The following ZRANB1 variants were observed in gnomAD, a reference collection of about 807,000 sequenced individuals.
The protein encoded by ZRANB1 is ubiquitin thioesterase ZRANB1.
Under a neutral mutation model 80.5 loss-of-function variants are expected in ZRANB1, and 16 were observed. That is an observed-to-expected ratio of 0.20 (90% CI 0.13 to 0.30). ZRANB1 has a LOEUF of 0.30. ZRANB1 is among the 10% of genes least tolerant of loss of function. The pLI is 1.00. For missense variants in ZRANB1, 576 were observed against 862.6 expected (o/e 0.67, Z 4.16); for synonymous variants, 291 against 293.1 (o/e 0.99, Z 0.07).
chr10:124,943,998 A>G (rs1304681009), intron 1 of ZRANB1, among the ~76,000 whole-genome samples: 4 of 152,242 alleles, frequency 2.6e-5, no homozygotes, highest in Admixed American at 2.0e-4. Context: ...TGCAAACTTT[A>G]TGGAACTGAT....
intron 1 of ZRANB1, among the ~76,000 whole-genome samples, chr10:124,965,189 G>A (rs1951766867): frequency 6.6e-6 from 1 of 152,142 alleles, no homozygotes; most frequent in African/African-American, 2.4e-5. Context: ...GGGTGGAGGT[G>A]GGGCATTTGT....
Position 124,942,192 on chromosome 10 carries a change from A to C in ZRANB1, c.-302A>C. 8.5e-7 allele frequency: 1 copy of C among 1,176,644 alleles called. No individual in the cohort carries two copies. Among genetic ancestry groups the C allele is most frequent in the Admixed American group, 4.3e-5 (1 of 23,390 alleles). The allele number at this position is 1,176,644 out of a possible 1,614,324, so 72.9% of individuals were successfully genotyped here. A position where few individuals can be genotyped will look rare whatever the true frequency, so the allele number is the denominator to read the frequency against. On this transcript the variant is annotated 5_prime_UTR_variant, in exon 1 of 9. Transcript: ENST00000359653. ...GTTAATCTCATCCTTCTTAGATCAA[A>C]CCTCGTTATATCTCCTGCCTATCTC...
At chr10:124,981,454 G>C (rs1430896294) in intron 5 of ZRANB1, 1 of 269,866 alleles carries the variant, frequency 3.7e-6, no homozygotes, top group Non-Finnish European at 6.7e-6. Flanking sequence ...CTCATCATTA[G>C]CGTTTGAAGT....
intron 3 of ZRANB1, among the ~76,000 whole-genome samples, chr10:124,972,975 G>T (rs769545257): frequency 1.3e-5 from 2 of 151,722 alleles, no homozygotes; most frequent in African/African-American, 4.8e-5. Flanking sequence ...ATGGAGTCTC[G>T]CAGTATTACT....
In ZRANB1 at chr10:124,942,724, A is replaced by G. The variant is rs757605155; in HGVS notation, c.231A>G (p.Lys77=). 9 of 1,614,172 alleles carry G rather than the reference A, an allele frequency of 5.6e-6. No homozygotes were observed. The South Asian group carries it at 8.8e-5, about 16-fold the overall frequency. Residue 77 remains lysine, a synonymous_variant, in exon 1 of 9, where the codon AAA becomes AAG. Transcript: ENST00000359653. ...CPDSSARPRV[K]SSYSMENANK... ...ACTCTAGTGCAAGACCAAGGGTGAAATCTTCGTATAGCATGGAAAATGCAA... is the reference window on the plus strand; with the variant it reads ...ACTCTAGTGCAAGACCAAGGGTGAAGTCTTCGTATAGCATGGAAAATGCAA...
At chr10:124,939,333 A>G (rs1019107153), upstream of ZRANB1, among the ~76,000 whole-genome samples, 2 of 151,610 alleles carry the variant, frequency 1.3e-5, no homozygotes, top group Admixed American at 6.6e-5. Flanking sequence ...TGTGCTTATT[A>G]TCTAATATAA....
the ZRANB1 span, among the ~76,000 whole-genome samples, chr10:124,923,673 T>G: frequency 6.6e-6 from 1 of 151,888 alleles, no homozygotes; most frequent in Admixed American, 6.6e-5. Flanking sequence ...ATGAAACTTA[T>G]GGTAGAAGGT....
At chr10:124,957,233 T>TC (rs1951694262) in intron 1 of ZRANB1, among the ~76,000 whole-genome samples, 1 of 152,092 alleles carries the variant, frequency 6.6e-6, no homozygotes, top group South Asian at 2.1e-4. Flanking sequence ...AGAATGATCT[T>TC]CAATTTAGAT....
chr10:124,987,130 T>A lies in ZRANB1; in HGVS notation c.*2138T>A, dbSNP rs1289517867. On this transcript the variant is annotated 3_prime_UTR_variant, in exon 9 of 9. Transcript: ENST00000359653. Reference sequence around the variant, plus strand: ...GACTGGCTGTTAAAGGCCAAAAATTTTGGTAAATCAATGCTATATTATGCT... The same window carrying A: ...GACTGGCTGTTAAAGGCCAAAAATTATGGTAAATCAATGCTATATTATGCT... 2.0e-5 allele frequency: 3 copies of A among 152,706 alleles called. No individual in the cohort carries two copies. The allele number at this position is 152,706 out of a possible 1,614,324, so 9.5% of individuals were successfully genotyped here. A position where few individuals can be genotyped will look rare whatever the true frequency, so the allele number is the denominator to read the frequency against.
upstream of ZRANB1, chr10:124,940,677 C>A: frequency 2.0e-6 from 1 of 489,666 alleles, no homozygotes; most frequent in Non-Finnish European, 3.2e-6. Context: ...CAGTATACTT[C>A]AAAAGTGAAA....
chr10:124,943,511 G>A (rs561732440), intron 1 of ZRANB1, among the ~76,000 whole-genome samples: 2 of 140,392 alleles, frequency 1.4e-5, no homozygotes, highest in Admixed American at 7.7e-5. Flanking sequence ...GTGTCTCCAC[G>A]CACATGCAAA....
At chr10:124,976,012 G>A (rs991804685) in intron 5 of ZRANB1, among the ~76,000 whole-genome samples, 7 of 152,118 alleles carry the variant, frequency 4.6e-5, no homozygotes, top group Non-Finnish European at 7.4e-5. Context: ...TGTGGGGAGC[G>A]GAGGGGGAAG....
At chr10:124,974,173 G>A in intron 4 of ZRANB1, 27 bp from the exon 5 acceptor site, 14 of 1,608,894 alleles carry the variant, frequency 8.7e-6, no homozygotes, top group Non-Finnish European at 1.1e-5. Flanking sequence ...GTATGGAAAT[G>A]AACATGTATT....
chr10:124,919,498 G>A, the ZRANB1 span, among the ~76,000 whole-genome samples: 17 of 151,840 alleles, frequency 1.1e-4, no homozygotes, highest in African/African-American at 7.2e-5. Context: ...TGCGAGCCGA[G>A]ATCCAGCCAC....
At chr10:124,929,142 A>G in the ZRANB1 span, among the ~76,000 whole-genome samples, 3 of 152,102 alleles carry the variant, frequency 2.0e-5, no homozygotes, top group Non-Finnish European at 4.4e-5. Flanking sequence ...GAATGAAGCA[A>G]ACTTTTGGGG....
At chr10:124,962,177 G>A (rs1309703938) in intron 1 of ZRANB1, among the ~76,000 whole-genome samples, 1 of 152,118 alleles carries the variant, frequency 6.6e-6, no homozygotes, top group South Asian at 2.1e-4. Flanking sequence ...TATGAAAACC[G>A]GTTAAATGAG....
chr10:124,943,340 G>A (rs774454142), intron 1 of ZRANB1, 33 bp downstream of exon 1: 2 of 1,578,768 alleles, frequency 1.3e-6, no homozygotes, highest in African/African-American at 2.7e-5. Flanking sequence ...TTTTGCGTGG[G>A]ATGGGAAAAG....
intron 1 of ZRANB1, among the ~76,000 whole-genome samples, chr10:124,964,268 T>C (rs1463737818): frequency 8.5e-5 from 13 of 152,220 alleles, no homozygotes; most frequent in Admixed American, 8.5e-4. Flanking sequence ...TTATTGTACA[T>C]TATAGTTCCA....
At chr10:124,917,188 G>T in the ZRANB1 span, 1 of 163,512 alleles carries the variant, frequency 6.1e-6, no homozygotes, top group Non-Finnish European at 1.2e-5. Flanking sequence ...CGCTGCCGCC[G>T]CCGCCGCCGC....
Sources: allele counts gnomAD v4.1 joint callset (sites outside exome capture counted in the v4.1 genomes callset), GRCh38; gene constraint gnomAD v4.1.1; transcripts MANE v1.5; gene names NCBI Gene and HGNC (gene_info 2026-07-23, HGNC 2026-07-21).